HS6ST3: variants seen among roughly 807,000 people sequenced by gnomAD.
HS6ST3 encodes heparan sulfate 6-O-sulfotransferase 3, also known as heparan-sulfate 6-O-sulfotransferase 3.
Under a neutral mutation model 36.7 loss-of-function variants are expected in HS6ST3, and 12 were observed. The ratio of observed to expected loss-of-function variants is 0.33; its 90% confidence interval spans 0.21 to 0.53. HS6ST3 has a LOEUF of 0.53. HS6ST3 is among the 20% of genes least tolerant of loss of function. The pLI, the probability that HS6ST3 is intolerant of heterozygous loss-of-function variation, is 0.95. For missense variants in HS6ST3, 584 were observed against 640.9 expected, an observed-to-expected ratio of 0.91 and a Z score of 0.96; for synonymous variants, 240 against 257.5, an observed-to-expected ratio of 0.93 and a Z score of 0.65.
At chr13:96,635,790 A>G (rs1274125906) in intron 1 of HS6ST3, among the ~76,000 whole-genome samples, 1 of 152,092 alleles carries the variant, frequency 6.6e-6, no homozygotes, top group Non-Finnish European at 1.5e-5. Context: ...TGAGTGATAA[A>G]CACTATATTG....
At chr13:96,719,623 C>T (rs1875795693) in intron 1 of HS6ST3, among the ~76,000 whole-genome samples, 1 of 152,144 alleles carries the variant, frequency 6.6e-6, no homozygotes, top group African/African-American at 2.4e-5. Flanking sequence ...TAATTGCCAG[C>T]ATAATTACTG....
intron 1 of HS6ST3, among the ~76,000 whole-genome samples, chr13:96,276,519 G>A (rs1321990525): frequency 6.6e-6 from 1 of 152,202 alleles, no homozygotes; most frequent in Non-Finnish European, 1.5e-5. Flanking sequence ...ATTTTGGAAA[G>A]AGGACCAGTA....
At chr13:96,709,387 AG>A in intron 1 of HS6ST3, among the ~76,000 whole-genome samples, 1 of 152,240 alleles carries the variant, frequency 6.6e-6, no homozygotes, top group Non-Finnish European at 1.5e-5. Flanking sequence ...CTTTGAGTTT[AG>A]GAAATGTGTC....
At chr13:96,216,529 A>G (rs1014260895) in intron 1 of HS6ST3, among the ~76,000 whole-genome samples, 1 of 152,200 alleles carries the variant, frequency 6.6e-6, no homozygotes, top group Non-Finnish European at 1.5e-5. Flanking sequence ...TCTGTGTACA[A>G]AGAAGTGTAA....
At chr13:96,649,508 GAAAC>G (rs746340646) in intron 1 of HS6ST3, among the ~76,000 whole-genome samples, 26 of 152,008 alleles carry the variant, frequency 1.7e-4, no homozygotes, top group Non-Finnish European at 2.8e-4. Flanking sequence ...TGTTCAGAAA[GAAAC>G]AAAGAAAACC....
intron 1 of HS6ST3, among the ~76,000 whole-genome samples, chr13:96,194,249 G>A (rs2054301851): frequency 1.3e-5 from 2 of 152,088 alleles, no homozygotes; most frequent in Admixed American, 1.3e-4. Flanking sequence ...CATTGTGTCT[G>A]CCTAAACCTG....
chr13:96,368,208 T>C (rs2055272813), intron 1 of HS6ST3, among the ~76,000 whole-genome samples: 1 of 152,120 alleles, frequency 6.6e-6, no homozygotes, highest in Non-Finnish European at 1.5e-5. Flanking sequence ...TGCTTGCAGG[T>C]TGAAACCTAT....
chr13:96,839,369 C>T lies in HS6ST3; in HGVS notation c.*6171C>T, dbSNP rs1451291014. ...TTATTCAGTAGATAGTAAATTATTT[C>T]TCTTAAGAGATATTTCCTTTTATTT... On this transcript the variant is annotated 3_prime_UTR_variant, in exon 2 of 2. Coordinates refer to ENST00000376705, the MANE Select transcript of HS6ST3 (RefSeq NM_153456.4). 1 of 152,138 alleles carries T rather than the reference C, an allele frequency of 6.6e-6. No individual in the cohort carries two copies. The highest frequency in any genetic ancestry group is 6.5e-5 in the Admixed American group (1 of 15,278). The allele number at this position is 152,138 out of a possible 1,614,324, so 9.4% of individuals were successfully genotyped here.
chr13:96,499,601 ATG>A (rs199556729), intron 1 of HS6ST3, among the ~76,000 whole-genome samples: 3,334 of 152,282 alleles, frequency 0.022, 61 homozygotes, highest in Non-Finnish European at 0.036. Flanking sequence ...GGAAAGCGAC[ATG>A]TGAGGCAAGA....
intron 1 of HS6ST3, chr13:96,574,340 G>T: frequency 2.5e-6 from 1 of 396,914 alleles, no homozygotes; most frequent in East Asian, 5.9e-5. Flanking sequence ...GCTCAGGAAA[G>T]GTAGCTTTAA....
intron 1 of HS6ST3, among the ~76,000 whole-genome samples, chr13:96,303,710 A>G (rs1020731129): frequency 6.6e-6 from 1 of 152,218 alleles, no homozygotes; most frequent in African/African-American, 2.4e-5. Flanking sequence ...CGAAGGTAAA[A>G]TATATGAATA....
intron 1 of HS6ST3, among the ~76,000 whole-genome samples, chr13:96,669,833 T>C (rs985932351): frequency 6.6e-6 from 1 of 152,120 alleles, no homozygotes; most frequent in African/African-American, 2.4e-5. Flanking sequence ...TTGACTTAGT[T>C]GTGCAGCTGT....
intron 1 of HS6ST3, among the ~76,000 whole-genome samples, chr13:96,311,964 T>A (rs2054943527): frequency 6.6e-6 from 1 of 151,500 alleles, no homozygotes; most frequent in East Asian, 1.9e-4. Flanking sequence ...TTTTTTTTTG[T>A]TTCATTAACT....
chr13:96,430,266 G>A (rs994544966), intron 1 of HS6ST3, among the ~76,000 whole-genome samples: 5 of 152,086 alleles, frequency 3.3e-5, no homozygotes, highest in African/African-American at 7.2e-5. Context: ...CCTACATCTC[G>A]TAGGTTTCAC....
At chr13:96,141,277 C>T (rs2054030893) in intron 1 of HS6ST3, among the ~76,000 whole-genome samples, 1 of 152,112 alleles carries the variant, frequency 6.6e-6, no homozygotes, top group African/African-American at 2.4e-5. Context: ...ACAATAAGAA[C>T]TCTATTTCAG....
intron 1 of HS6ST3, among the ~76,000 whole-genome samples, chr13:96,142,465 G>A (rs2054036669): frequency 6.6e-6 from 1 of 152,220 alleles, no homozygotes; most frequent in East Asian, 1.9e-4. Context: ...ATCTGGTACC[G>A]AGTCAGTGAC....
chr13:96,534,221 A>G lies in HS6ST3; in HGVS notation c.708-298269A>G, dbSNP rs367759752. 3.9e-5 allele frequency among the ~76,000 whole-genome samples: 6 copies of G among 152,264 alleles called. No homozygotes were observed. In the South Asian group the frequency reaches 1.2e-3, roughly 32 times the overall value. On this transcript the variant is annotated intron_variant, in intron 1 of 1. Coordinates refer to ENST00000376705, the MANE Select transcript of HS6ST3 (RefSeq NM_153456.4). Reference sequence around the variant, plus strand: ...CACATAGACTGGGCTGGATTCCTGTATGTCAAAGGAATGGGTGAGCAAATG... The same window carrying G: ...CACATAGACTGGGCTGGATTCCTGTGTGTCAAAGGAATGGGTGAGCAAATG...
At chr13:96,790,612 A>G (rs1394100514) in intron 1 of HS6ST3, among the ~76,000 whole-genome samples, 2 of 152,110 alleles carry the variant, frequency 1.3e-5, no homozygotes, top group Non-Finnish European at 2.9e-5. Context: ...TATGCCAAGT[A>G]TTCACACAAA....
At chr13:96,675,033 T>C (rs550566945) in intron 1 of HS6ST3, among the ~76,000 whole-genome samples, 4 of 152,190 alleles carry the variant, frequency 2.6e-5, no homozygotes, top group African/African-American at 9.6e-5. Context: ...TTCCAGCTTT[T>C]GCTGTGCTGT....
Sources: allele counts gnomAD v4.1 joint callset (sites outside exome capture counted in the v4.1 genomes callset), GRCh38; gene constraint gnomAD v4.1.1; transcripts MANE v1.5; gene names NCBI Gene and HGNC (gene_info 2026-07-23, HGNC 2026-07-21).